The following RGS17 variants were observed in gnomAD, a reference collection of about 807,000 sequenced individuals.
RGS17 encodes regulator of G protein signaling 17, also known as regulator of G-protein signaling 17.
A neutral mutation model predicts 25.5 loss-of-function variants in RGS17; 12 were observed. The observed-to-expected ratio is 0.47, with a 90% confidence interval of 0.30 to 0.76. The LOEUF (loss-of-function observed/expected upper bound fraction) is 0.76, where lower values mean the gene tolerates loss of function less well. Ranked by LOEUF, RGS17 falls within the 30% of genes least tolerant of loss-of-function variation. The pLI, the probability that RGS17 is intolerant of heterozygous loss-of-function variation, is 0.07. For missense variants in RGS17, 196 were observed against 242.2 expected, an observed-to-expected ratio of 0.81 and a Z score of 1.27; for synonymous variants, 71 against 76.9, an observed-to-expected ratio of 0.92 and a Z score of 0.40.
chr6:153,095,023 A>G (rs1777189882), intron 1 of RGS17, among the ~76,000 whole-genome samples: 1 of 152,184 alleles, frequency 6.6e-6, no homozygotes, highest in Non-Finnish European at 1.5e-5. Flanking sequence ...AATGATGCAT[A>G]ATCTCAGATA....
chr6:153,060,735 T>A (rs1348740273), intron 1 of RGS17, among the ~76,000 whole-genome samples: 2 of 151,994 alleles, frequency 1.3e-5, no homozygotes, highest in African/African-American at 4.8e-5. Flanking sequence ...TTTCTTAAAA[T>A]GTCGGTGCCT....
intron 4 of RGS17, among the ~76,000 whole-genome samples, chr6:153,014,525 G>A (rs1051242062): frequency 8.5e-5 from 13 of 152,134 alleles, no homozygotes; most frequent in Admixed American, 5.2e-4. Flanking sequence ...GAGGCCAGGC[G>A]CGGTGGCTCA....
intron 1 of RGS17, among the ~76,000 whole-genome samples, chr6:153,109,779 C>T (rs1435470858): frequency 6.6e-6 from 1 of 152,222 alleles, no homozygotes; most frequent in Non-Finnish European, 1.5e-5. Flanking sequence ...GCCATTTAAA[C>T]TTATCATGCT....
chr6:153,008,066 A>C lies in RGS17; in HGVS notation c.*3508T>G, dbSNP rs1201089227. 2 of 152,230 alleles carry C rather than the reference A, an allele frequency of 1.3e-5. No individual in the cohort carries two copies. The highest frequency in any genetic ancestry group is 6.5e-5 in the Admixed American group (1 of 15,284). The allele number at this position is 152,230 out of a possible 1,614,324, so 9.4% of individuals were successfully genotyped here. ...AAGTATAAATAAGTTAAAGGTATAGAAAAATGGATAAACTCAAAAGTAAAA... is the reference window on the plus strand; with the variant it reads ...AAGTATAAATAAGTTAAAGGTATAGCAAAATGGATAAACTCAAAAGTAAAA... On this transcript the variant is annotated 3_prime_UTR_variant, in exon 5 of 5. Coordinates refer to ENST00000206262, the MANE Select transcript of RGS17 (RefSeq NM_012419.5).
chr6:153,047,945 C>G (rs1285127711), intron 1 of RGS17, among the ~76,000 whole-genome samples: 1 of 152,114 alleles, frequency 6.6e-6, no homozygotes, highest in Non-Finnish European at 1.5e-5. Flanking sequence ...TTCTTGTTTC[C>G]TTTTCATCTT....
At chr6:153,013,848 T>C (rs1194074387) in intron 4 of RGS17, among the ~76,000 whole-genome samples, 1 of 152,222 alleles carries the variant, frequency 6.6e-6, no homozygotes. Context: ...AAGAAAAGTT[T>C]GAAGCTCACA....
intron 2 of RGS17, among the ~76,000 whole-genome samples, chr6:153,040,360 T>C (rs1257110097): frequency 6.6e-6 from 1 of 152,168 alleles, no homozygotes; most frequent in Non-Finnish European, 1.5e-5. Context: ...AAGACAGGAA[T>C]CTATTTAAAA....
At position 153,130,719 on chromosome 6, in the gene RGS17, C is replaced by T. The variant is rs1240258517; in HGVS notation, c.-26+405G>A. Among the ~76,000 whole-genome samples, 1 of 152,250 alleles carries T rather than the reference C, an allele frequency of 6.6e-6. No homozygotes were observed. The highest frequency in any genetic ancestry group is 2.1e-4 in the South Asian group (1 of 4,830). The stretch of plus-strand genomic sequence containing the variant: ...ACAAAACCCGCAACACCTCGCGTCC[C>T]CGCGGGGTCTCCCGCGCCCCTGGCC... On this transcript the variant is annotated intron_variant, in intron 1 of 4. Coordinates refer to ENST00000206262, the MANE Select transcript of RGS17 (RefSeq NM_012419.5). This position sits in a 1 kb window ranked among gnomAD's most constrained non-coding sequence, Gnocchi z 6.4.
intron 1 of RGS17, among the ~76,000 whole-genome samples, chr6:153,121,451 C>T (rs891523761): frequency 6.6e-6 from 1 of 152,180 alleles, no homozygotes; most frequent in Non-Finnish European, 1.5e-5. Context: ...AATCAGCCAC[C>T]TCACTGAGTA....
chr6:153,060,897 T>C (rs1480608922), intron 1 of RGS17, among the ~76,000 whole-genome samples: 1 of 152,134 alleles, frequency 6.6e-6, no homozygotes, highest in East Asian at 1.9e-4. Flanking sequence ...TGCTAGTATT[T>C]TGAGAATGCC....
chr6:153,106,331 T>C (rs1777383564), intron 1 of RGS17, among the ~76,000 whole-genome samples: 1 of 151,864 alleles, frequency 6.6e-6, no homozygotes. Context: ...GGTTGGGACT[T>C]AGAAAAGTGA....
At position 153,008,227 on chromosome 6, in the gene RGS17, C is replaced by G. The variant is rs1207794923; in HGVS notation, c.*3347G>C. ...GTAGATAAACAACACGTATTTCATT[C>G]TGTAAGTCAGAACCTAGGCAGCATT... On this transcript the variant is annotated 3_prime_UTR_variant, in exon 5 of 5. Coordinates refer to ENST00000206262, the MANE Select transcript of RGS17 (RefSeq NM_012419.5). 6.6e-6 allele frequency: 1 copy of G among 152,060 alleles called. No individual in the cohort carries two copies. The highest frequency in any genetic ancestry group is 1.5e-5 in the Non-Finnish European group (1 of 68,006). The allele number at this position is 152,060 out of a possible 1,614,324, so 9.4% of individuals were successfully genotyped here. A position where few individuals can be genotyped will look rare whatever the true frequency, so the allele number is the denominator to read the frequency against.
chr6:153,077,638 T>C (rs1776902666), intron 1 of RGS17, among the ~76,000 whole-genome samples: 1 of 152,192 alleles, frequency 6.6e-6, no homozygotes, highest in East Asian at 1.9e-4. Flanking sequence ...AATTGTGGTA[T>C]ATCTTTCTGT....
chr6:153,101,003 T>C (rs143153338), intron 1 of RGS17, among the ~76,000 whole-genome samples: 1 of 152,322 alleles, frequency 6.6e-6, no homozygotes, highest in Non-Finnish European at 1.5e-5. Flanking sequence ...TCTGAGCCTA[T>C]TCAGGCTCAG....
chr6:153,038,778 C>A (rs1477676029), intron 2 of RGS17, among the ~76,000 whole-genome samples: 1 of 152,014 alleles, frequency 6.6e-6, no homozygotes, highest in Non-Finnish European at 1.5e-5. Context: ...TGGCAGAGAG[C>A]GAAAGTGTGA....
intron 1 of RGS17, among the ~76,000 whole-genome samples, chr6:153,080,577 T>C (rs1249994541): frequency 6.6e-6 from 1 of 152,150 alleles, no homozygotes; most frequent in Non-Finnish European, 1.5e-5. Context: ...GTATTAATTT[T>C]ATCAATTCTG....
chr6:153,016,424 A>T (rs866345908), intron 4 of RGS17, among the ~76,000 whole-genome samples: 15 of 152,256 alleles, frequency 9.9e-5, no homozygotes, highest in Middle Eastern at 3.4e-3. Flanking sequence ...ATAGAGCAGG[A>T]AACCTTACAT....
intron 1 of RGS17, among the ~76,000 whole-genome samples, chr6:153,103,139 A>G (rs1304971043): frequency 6.6e-6 from 1 of 152,216 alleles, no homozygotes; most frequent in East Asian, 1.9e-4. Context: ...CAGGGACAAT[A>G]CAATAAATCA....
chr6:153,063,389 T>C (rs1002155996), intron 1 of RGS17, among the ~76,000 whole-genome samples: 2 of 151,852 alleles, frequency 1.3e-5, no homozygotes, highest in Middle Eastern at 3.2e-3. Context: ...GATAATGAAA[T>C]AATTAAAAAG....
Sources: gnomAD v4.1 joint callset for allele counts (sites outside exome capture counted in the v4.1 genomes callset) on GRCh38, gnomAD v4.1.1 for gene constraint, Gnocchi (gnomAD v3.1) non-coding constraint, MANE v1.5 for transcripts, NCBI Gene and HGNC (gene_info 2026-07-23, HGNC 2026-07-21) for gene names.